TATDN1: variants seen among roughly 807,000 people sequenced by gnomAD.
TATDN1 encodes the protein TatD DNase domain containing 1.
In TATDN1, 40 loss-of-function variants were observed where a neutral mutation model predicts 46.4. That is an observed-to-expected ratio of 0.86 (90% CI 0.67 to 1.12). The LOEUF (loss-of-function observed/expected upper bound fraction) is 1.12. TATDN1 is among the 50% of genes most tolerant of loss of function. TATDN1 has a pLI of 0.00. For synonymous variants in TATDN1, 95 were observed against 105.6 expected (o/e 0.90, Z 0.62); for missense variants, 326 against 348.4 (o/e 0.94, Z 0.51).
chr8:124,496,919 G>C (rs1817512475), intron 9 of TATDN1, among the ~76,000 whole-genome samples: 1 of 152,122 alleles, frequency 6.6e-6, no homozygotes, highest in African/African-American at 2.4e-5. Context: ...GGAAATTCCA[G>C]ATGGACAGTT....
chr8:124,528,771 G>A (rs1285049114), intron 1 of TATDN1, among the ~76,000 whole-genome samples: 1 of 152,164 alleles, frequency 6.6e-6, no homozygotes, highest in African/African-American at 2.4e-5. Context: ...TCTTGATAAT[G>A]GTATCTAATG....
At chr8:124,527,759 T>C (rs1820625323) in intron 1 of TATDN1, among the ~76,000 whole-genome samples, 1 of 151,776 alleles carries the variant, frequency 6.6e-6, no homozygotes, top group Admixed American at 6.6e-5. Context: ...CAAATCTTTA[T>C]TTTGTCCCAT....
At chr8:124,523,963 G>A (rs1224280921) in intron 1 of TATDN1, among the ~76,000 whole-genome samples, 3 of 151,996 alleles carry the variant, frequency 2.0e-5, no homozygotes, top group Non-Finnish European at 2.9e-5. Flanking sequence ...ACTGGTCACA[G>A]GCAAGAAAAA....
chr8:124,533,816 C>A (rs565912708), intron 1 of TATDN1, among the ~76,000 whole-genome samples: 2 of 151,946 alleles, frequency 1.3e-5, no homozygotes, highest in East Asian at 3.9e-4. Context: ...ACAGGCACAA[C>A]CAGCACAGCT....
intron 9 of TATDN1, among the ~76,000 whole-genome samples, chr8:124,497,228 T>C (rs1295159724): frequency 1.3e-5 from 2 of 152,176 alleles, no homozygotes; most frequent in Non-Finnish European, 2.9e-5. Flanking sequence ...ATTTTGCTGA[T>C]TTCATCTGCG....
intron 11 of TATDN1, chr8:124,489,770 T>C (rs573788658): frequency 6.6e-6 from 1 of 152,324 alleles, no homozygotes; most frequent in African/African-American, 2.4e-5. Context: ...TCCATACTTA[T>C]TATATATAAG....
At chr8:124,505,231 A>T (rs374038251) in intron 8 of TATDN1, among the ~76,000 whole-genome samples, 170 of 151,568 alleles carry the variant, frequency 1.1e-3, no homozygotes, top group African/African-American at 3.9e-3. Context: ...CTAAAAACAC[A>T]AAATTAGCTG....
intron 6 of TATDN1, among the ~76,000 whole-genome samples, chr8:124,509,538 C>G (rs957332082): frequency 9.9e-5 from 15 of 152,184 alleles, no homozygotes; most frequent in African/African-American, 3.4e-4. Flanking sequence ...TCAACTGAAT[C>G]AGGATAACAG....
intron 1 of TATDN1, among the ~76,000 whole-genome samples, chr8:124,534,132 C>T (rs186014212): frequency 0.02 from 2,137 of 106,686 alleles, 29 homozygotes; most frequent in Middle Eastern, 0.043. Flanking sequence ...GGCAACAGAG[C>T]GAGACTCCGT....
chr8:124,488,649 TC>T lies in TATDN1; in HGVS notation c.838del (p.Glu280AsnfsTer2), dbSNP rs769817426. 2.7e-5 allele frequency: 43 copies of T among 1,607,092 alleles called. No homozygotes were observed. Among genetic ancestry groups the T allele is most frequent in the Admixed American group, 1.7e-4 (10 of 59,808 alleles). ...MSAVRDEDPL[E>X]LANTLYNNTI... is the part of the protein sequence containing the mutation. ...ATTGTTATATAGTGTATTGGCTAAT[TC>T]CAGTGGATCCTCATCTCTCACTGCT... On this transcript the variant is annotated frameshift_variant, in exon 12 of 12. Coordinates refer to ENST00000276692, the MANE Select transcript of TATDN1 (RefSeq NM_032026.4). LOFTEE classifies it high-confidence loss of function.
At position 124,515,941 on chromosome 8, in the gene TATDN1, T is replaced by G; in HGVS notation, c.292A>C (p.Asn98His). Residue 98 changes from asparagine (N) to histidine (H), a missense_variant, in exon 5 of 12, where the codon AAT (asparagine) becomes CAT (histidine). Transcript: ENST00000276692. ...NPDLYLKELL[N>H]LAENNKGKVV... is the part of the protein sequence containing the mutation. ...TTCCCTTTATTGTTTTCAGCAAGATTTAGCAACTCCTTTAAGTAAAGATCA... is the reference window on the plus strand; with the variant it reads ...TTCCCTTTATTGTTTTCAGCAAGATGTAGCAACTCCTTTAAGTAAAGATCA... The G allele has an allele frequency of 6.2e-7, 1 of 1,614,100 alleles. No individual in the cohort carries two copies. The highest frequency in any genetic ancestry group is 8.5e-7 in the Non-Finnish European group (1 of 1,180,014).
intron 6 of TATDN1, among the ~76,000 whole-genome samples, chr8:124,512,080 A>G (rs542643958): frequency 7.7e-4 from 117 of 152,036 alleles, no homozygotes; most frequent in African/African-American, 2.8e-3. Context: ...CTAATTTTCT[A>G]TTTTTCTTTT....
chr8:124,525,142 T>C (rs769710000), intron 1 of TATDN1, among the ~76,000 whole-genome samples: 6 of 152,064 alleles, frequency 3.9e-5, no homozygotes, highest in Non-Finnish European at 8.8e-5. Flanking sequence ...ATCATCCTAA[T>C]CTTTTTTTTA....
intron 1 of TATDN1, chr8:124,523,214 C>T (rs1029193661): frequency 4.3e-5 from 23 of 540,068 alleles, no homozygotes; most frequent in Admixed American, 2.3e-4. Flanking sequence ...CACCGCAGAA[C>T]TGGTAAGGCA....
Position 124,517,407 on chromosome 8 carries a change from G to GATAGAAC in TATDN1, c.203-1384_203-1378dup, listed in dbSNP as rs1343072387. Among the ~76,000 whole-genome samples, 5 of 140,944 alleles carry GATAGAAC rather than the reference G, an allele frequency of 3.5e-5. No homozygotes were observed. In the East Asian group the frequency reaches 1.0e-3, roughly 29 times the overall value. 92.5% of individuals were successfully genotyped at this position (140,944 alleles called of 152,430 possible). A position where few individuals can be genotyped will look rare whatever the true frequency, so the allele number is the denominator to read the frequency against. ...CGTGCCATTGCACTCCAGCCTGGGT[G>GATAGAAC]ATAGAACAAGACTGTCTCAAAAAAA... On this transcript the variant is annotated intron_variant, in intron 4 of 11. Transcript: ENST00000276692.
intron 9 of TATDN1, chr8:124,504,022 A>G: frequency 9.5e-7 from 1 of 1,049,004 alleles, no homozygotes; most frequent in Non-Finnish European, 1.3e-6. Context: ...AGCCAGCTGC[A>G]GATCTCAACA....
intron 8 of TATDN1, among the ~76,000 whole-genome samples, chr8:124,507,339 A>G (rs1035847880): frequency 5.9e-5 from 9 of 152,236 alleles, no homozygotes; most frequent in Non-Finnish European, 1.2e-4. Context: ...AATACAGCGG[A>G]CAAGAAATGA....
At position 124,530,535 on chromosome 8, in the gene TATDN1, T is replaced by C. The variant is rs143529470; in HGVS notation, c.23-7533A>G. Among the ~76,000 whole-genome samples the C allele has an allele frequency of 2.0e-5, 3 of 152,246 alleles. No individual in the cohort carries two copies. In the East Asian group the frequency reaches 5.8e-4, roughly 29 times the overall value. On this transcript the variant is annotated intron_variant, in intron 1 of 11. Coordinates refer to ENST00000276692, the MANE Select transcript of TATDN1 (RefSeq NM_032026.4). ...ACAGCCATTTAACAATTCAGAAAAC[T>C]GAACCAAGGGAAAAACCATAAATCC...
At chr8:124,493,096 A>C (rs1289453619) in intron 11 of TATDN1, among the ~76,000 whole-genome samples, 1 of 152,250 alleles carries the variant, frequency 6.6e-6, no homozygotes, top group Admixed American at 6.5e-5. Context: ...ACTACTGAAA[A>C]AAAAGATGGT....
Sources: allele counts gnomAD v4.1 joint callset (sites outside exome capture counted in the v4.1 genomes callset), GRCh38; gene constraint gnomAD v4.1.1; transcripts MANE v1.5; gene names NCBI Gene and HGNC (gene_info 2026-07-23, HGNC 2026-07-21).